Variants in DNAH17 observed in about 807,000 individuals in gnomAD.
DNAH17 encodes the protein axonemal beta dynein heavy chain 17.
DNAH17 carries 376 observed loss-of-function variants against 485.6 expected under a neutral mutation model. The observed-to-expected ratio is 0.77, with a 90% CI of 0.71 to 0.84. The LOEUF (loss-of-function observed/expected upper bound fraction) is 0.84, where lower values mean the gene tolerates loss of function less well. Ranked by LOEUF, DNAH17 falls within the 40% of genes least tolerant of loss-of-function variation. The pLI is 0.00. For synonymous variants in DNAH17, 3,031 were observed against 2,405.9 expected (o/e 1.26, Z -7.60); for missense variants, 6,370 against 5,839.3 (o/e 1.09, Z -2.96).
intron 6 of DNAH17, 144 bp from the exon 7 acceptor site, chr17:78,570,516 C>T: frequency 1.8e-6 from 2 of 1,103,828 alleles, no homozygotes; most frequent in Non-Finnish European, 2.5e-6. Flanking sequence ...CTCCCTAGGC[C>T]CACACATCTG....
At chr17:78,496,468 G>T (rs561356526) in intron 37 of DNAH17, among the ~76,000 whole-genome samples, 12 of 150,918 alleles carry the variant, frequency 8.0e-5, no homozygotes, top group Non-Finnish European at 1.8e-4. Flanking sequence ...GGTGGTGGGC[G>T]GGGGGAGGGT....
intron 74 of DNAH17, among the ~76,000 whole-genome samples, chr17:78,437,332 C>T (rs1441457148): frequency 6.6e-6 from 1 of 152,226 alleles, no homozygotes; most frequent in Non-Finnish European, 1.5e-5. Context: ...GTGTTCCATG[C>T]TCTTTAAACA....
At chr17:78,560,440 ACCAG>A (rs1395119841) in intron 13 of DNAH17, among the ~76,000 whole-genome samples, 1 of 151,838 alleles carries the variant, frequency 6.6e-6, no homozygotes, top group Non-Finnish European at 1.5e-5. Context: ...GCCTGCCTTG[ACCAG>A]CCAGTGCATT....
Position 78,486,224 on chromosome 17 carries a change from C to G in DNAH17, c.7101G>C (p.Gln2367His). Residue 2367 changes from glutamine (Q) to histidine (H), a missense_variant and splice_region_variant, in exon 45 of 81, where the codon CAG (glutamine) becomes CAC (histidine). Gln to His is a conservative substitution (Grantham distance 24, BLOSUM62 0). Transcript: ENST00000389840. The stretch of plus-strand genomic sequence containing the variant: ...TGGCCGGGCCCCCCAGGTGCATCAC[C>G]TGGTCCTGGAACATGGCGCCACCGA... ...WAFGGAMFQD[Q>H]LVDYRVEFSK... is the part of the protein sequence containing the mutation. The G allele has an allele frequency of 6.3e-7, 1 of 1,588,058 alleles. No homozygotes were observed. The highest frequency in any genetic ancestry group is 8.6e-7 in the Non-Finnish European group (1 of 1,164,836).
At chr17:78,502,326 ACT>A in intron 33 of DNAH17, 1 of 370,004 alleles carries the variant, frequency 2.7e-6, no homozygotes, top group Non-Finnish European at 4.9e-6. Context: ...TTTTTTAAAG[ACT>A]CTCAGTAGCA....
chr17:78,431,235 C>T (rs1390205843), intron 75 of DNAH17, among the ~76,000 whole-genome samples: 1 of 152,230 alleles, frequency 6.6e-6, no homozygotes, highest in Non-Finnish European at 1.5e-5. Flanking sequence ...TCATTAGCGA[C>T]TTACAACCTT....
In DNAH17 at chr17:78,479,495, G is replaced by A. The variant is rs563572567; in HGVS notation, c.7890C>T (p.Ala2630=). ...GGCCAGCCAGCTTACCCAGGGCCGCGGCCACCAGCTGGCTGCTTATCCTCT... is the reference window on the plus strand; with the variant it reads ...GGCCAGCCAGCTTACCCAGGGCCGCAGCCACCAGCTGGCTGCTTATCCTCT... ...AIQRISSQLV[A]AALALHQKIT... The change falls in exon 50 of 81, where the codon GCC becomes GCT. Residue 2630 remains alanine, a synonymous_variant. Transcript: ENST00000389840. 9.9e-6 allele frequency: 16 copies of A among 1,611,498 alleles called. 1 individual carries two copies. Among genetic ancestry groups the A allele is most frequent in the South Asian group, 9.9e-5 (9 of 90,956 alleles).
At chr17:78,487,188 T>C (rs906398287) in intron 44 of DNAH17, among the ~76,000 whole-genome samples, 1 of 152,148 alleles carries the variant, frequency 6.6e-6, no homozygotes, top group Non-Finnish European at 1.5e-5. Context: ...CTGCCCAGGC[T>C]TGAGTCAGCT....
intron 35 of DNAH17, 96 bp downstream of exon 35, chr17:78,501,088 A>C: frequency 7.1e-7 from 1 of 1,400,016 alleles, no homozygotes; most frequent in Non-Finnish European, 9.6e-7. Context: ...CAGTCCTTCC[A>C]GCCTCCACAG....
At chr17:78,555,114 G>A (rs73999122) in intron 14 of DNAH17, among the ~76,000 whole-genome samples, 1,998 of 152,254 alleles carry the variant, frequency 0.013, 42 homozygotes, top group East Asian at 0.064. Context: ...TTAACTCGTA[G>A]GATAGGTGCT....
At chr17:78,577,103 G>T (rs746043078) in intron 1 of DNAH17, among the ~76,000 whole-genome samples, 192 bp downstream of exon 1, 2 of 152,166 alleles carry the variant, frequency 1.3e-5, no homozygotes, top group Non-Finnish European at 2.9e-5. Context: ...GAAGGGGTCA[G>T]GCTGGTACGT....
chr17:78,507,415 C>T (rs755558948), intron 28 of DNAH17, 43 bp downstream of exon 28: 4 of 1,613,900 alleles, frequency 2.5e-6, no homozygotes, highest in East Asian at 2.2e-5. Context: ...TCGCCACACA[C>T]AGTCATTTCT....
intron 54 of DNAH17, among the ~76,000 whole-genome samples, chr17:78,474,306 G>T (rs754451146): frequency 1.3e-5 from 2 of 152,242 alleles, no homozygotes; most frequent in African/African-American, 4.8e-5. Context: ...GGCCGTGTAG[G>T]ACGGCCCAAT....
At position 78,505,425 on chromosome 17, in the gene DNAH17, T is replaced by A; in HGVS notation, c.4824A>T (p.Lys1608Asn). Residue 1608 changes from lysine (K) to asparagine (N), a missense_variant, in exon 31 of 81, where the codon AAA becomes AAT. Lys to Asn is a moderately conservative substitution (Grantham distance 94). Coordinates refer to ENST00000389840, the MANE Select transcript of DNAH17 (RefSeq NM_173628.4). ...DPVEVSRHLS[K>N]LFDSLCKLKF... ...TCAGTTTACACAGGCTATCGAAGAG[T>A]TTGGACAGGTGGCGGCTCACCTGGG... The A allele has an allele frequency of 6.2e-7, 1 of 1,613,608 alleles. No homozygotes were observed. The highest frequency in any genetic ancestry group is 1.1e-5 in the South Asian group (1 of 91,046).
At chr17:78,524,092 T>C (rs2091001370) in intron 25 of DNAH17, among the ~76,000 whole-genome samples, 1 of 152,156 alleles carries the variant, frequency 6.6e-6, no homozygotes, top group Non-Finnish European at 1.5e-5. Flanking sequence ...TGGGAGGTGA[T>C]GAGGTCATCG....
chr17:78,542,433 C>T (rs1237859794), intron 17 of DNAH17, among the ~76,000 whole-genome samples: 1 of 152,192 alleles, frequency 6.6e-6, no homozygotes, highest in African/African-American at 2.4e-5. Context: ...CCAGCGTGAG[C>T]CACTACGCCC....
In DNAH17 at chr17:78,502,961, C is replaced by A. The variant is rs780353305; in HGVS notation, c.5007G>T (p.Arg1669=). ...TCACCACGGCCTCTGGGATTTCGTG[C>A]CGGAGGGTAGAGCACATTCGGTCCA... ...RVLDRMCSTL[R]HEIPEAVVTY... The change falls in exon 32 of 81, where the codon CGG becomes CGT. Residue 1669 remains arginine, a synonymous_variant. Coordinates refer to ENST00000389840, the MANE Select transcript of DNAH17 (RefSeq NM_173628.4). 2.5e-6 allele frequency: 4 copies of A among 1,613,908 alleles called. No individual in the cohort carries two copies. Among genetic ancestry groups the A allele is most frequent in the Non-Finnish European group, 3.4e-6 (4 of 1,179,886 alleles).
intron 33 of DNAH17, 136 bp downstream of exon 33, chr17:78,502,455 G>GT (rs1206290741): frequency 1.2e-6 from 1 of 821,482 alleles, no homozygotes; most frequent in Non-Finnish European, 1.8e-6. Flanking sequence ...GGAAACGACG[G>GT]TTTTGCGGGG....
chr17:78,476,271 G>A (rs1338035761), intron 52 of DNAH17, among the ~76,000 whole-genome samples: 3 of 129,680 alleles, frequency 2.3e-5, no homozygotes, highest in African/African-American at 7.7e-5. Context: ...CAGAGTTATC[G>A]CGTGGAACCC....
Sources: gnomAD v4.1 joint callset for allele counts (sites outside exome capture counted in the v4.1 genomes callset) on GRCh38, gnomAD v4.1.1 for gene constraint, MANE v1.5 for transcripts, NCBI Gene and HGNC (gene_info 2026-07-23, HGNC 2026-07-21) for gene names.